TMEM39B: variants seen among roughly 807,000 people sequenced by gnomAD.
The protein encoded by TMEM39B is transmembrane protein 39B.
In TMEM39B, 23 loss-of-function variants were observed where a neutral mutation model predicts 52.2. The observed-to-expected ratio is 0.44, with a 90% CI of 0.32 to 0.62. The LOEUF (loss-of-function observed/expected upper bound fraction) is 0.62. Among genes scored for constraint, TMEM39B ranks in the 20% least tolerant of loss-of-function variants. The pLI is 0.06. For synonymous variants in TMEM39B, 285 were observed against 264.0 expected, an observed-to-expected ratio of 1.08 and a Z score of -0.77; for missense variants, 547 against 642.0, an observed-to-expected ratio of 0.85 and a Z score of 1.60.
chr1:32,074,910 G>A, intron 1 of TMEM39B, 41 bp from the exon 2 acceptor site: 2 of 1,528,396 alleles, frequency 1.3e-6, no homozygotes, highest in Non-Finnish European at 1.8e-6. Flanking sequence ...CTTGATATAT[G>A]CCCCCTGGCT....
rs528833872 is a variant in TMEM39B at position 32,076,915 on chromosome 1, C to G, written c.435+69C>G. ...TTTTCCCCTGGGGATGCCAAGGAAACATGCCCAGCCCTTCAGCCTTAGGGT... is the reference window on the plus strand; with the variant it reads ...TTTTCCCCTGGGGATGCCAAGGAAAGATGCCCAGCCCTTCAGCCTTAGGGT... On this transcript the variant is annotated intron_variant, in intron 4 of 8. Transcript: ENST00000336294. 3.7e-4 allele frequency: 575 copies of G among 1,540,982 alleles called. 15 individuals carry two copies. In the South Asian group the frequency reaches 6.2e-3, roughly 17 times the overall value.
At chr1:32,084,118 T>C (rs572252139) in intron 5 of TMEM39B, among the ~76,000 whole-genome samples, 2 of 152,364 alleles carry the variant, frequency 1.3e-5, no homozygotes, top group South Asian at 2.1e-4. Context: ...AGCTTTCTTA[T>C]ATGGCTTTTT....
chr1:32,083,409 C>CTTTTTT lies in TMEM39B; in HGVS notation c.590+6116_590+6121dup, dbSNP rs1052027069. Among the ~76,000 whole-genome samples the CTTTTTT allele has an allele frequency of 1.4e-3, 77 of 54,618 alleles. 2 individuals carry two copies. The highest frequency in any genetic ancestry group is 2.4e-3 in the African/African-American group (31 of 12,864). The allele number at this position is 54,618 out of a possible 152,430, so 35.8% of individuals were successfully genotyped here. ...GCAGGAACATTTTTTTAAAGGACTT[C>CTTTTTT]TTTTTTTTTTTTTTTTTTTTTTTTT... On this transcript the variant is annotated intron_variant, in intron 5 of 8. Transcript: ENST00000336294.
At chr1:32,096,392 C>T (rs542607617) in intron 7 of TMEM39B, among the ~76,000 whole-genome samples, 108 of 148,724 alleles carry the variant, frequency 7.3e-4, no homozygotes, top group African/African-American at 2.7e-3. Flanking sequence ...CATTTCAGGA[C>T]TAAAAGTTCA....
chr1:32,092,758 T>C (rs1215317297), intron 6 of TMEM39B, among the ~76,000 whole-genome samples: 1 of 152,018 alleles, frequency 6.6e-6, no homozygotes, highest in Non-Finnish European at 1.5e-5. Flanking sequence ...CCCAAAGTGT[T>C]GGGATTACAG....
At chr1:32,095,308 C>G (rs1361057512) in intron 7 of TMEM39B, among the ~76,000 whole-genome samples, 1 of 152,212 alleles carries the variant, frequency 6.6e-6, no homozygotes, top group African/African-American at 2.4e-5. Flanking sequence ...GTCATTACGT[C>G]ACCTACTCTT....
At chr1:32,076,916 A>T in intron 4 of TMEM39B, 70 bp downstream of exon 4, 1 of 1,543,824 alleles carries the variant, frequency 6.5e-7, no homozygotes. Context: ...CCAAGGAAAC[A>T]TGCCCAGCCC....
chr1:32,099,290 G>A (rs1394571794), intron 7 of TMEM39B, among the ~76,000 whole-genome samples: 15 of 151,714 alleles, frequency 9.9e-5, no homozygotes, highest in East Asian at 3.9e-4. Flanking sequence ...TGGACACAAG[G>A]TGGGGAACAT....
chr1:32,094,270 G>A (rs959585140), intron 6 of TMEM39B, among the ~76,000 whole-genome samples: 2 of 151,222 alleles, frequency 1.3e-5, no homozygotes, highest in Non-Finnish European at 2.9e-5. Flanking sequence ...GGGACTACAG[G>A]CACACGCCAC....
In TMEM39B at chr1:32,075,593, C is replaced by A; in HGVS notation, c.132-10C>A. ...GTCAGCTGCTGATGTTGTTCCCTCC[C>A]CACTGTCAGGAGCAGTTCTGGAACA... On this transcript the variant is annotated splice_polypyrimidine_tract_variant and intron_variant, in intron 2 of 8. Coordinates refer to ENST00000336294, the MANE Select transcript of TMEM39B (RefSeq NM_018056.4). 1 of 1,544,570 alleles carries A rather than the reference C, an allele frequency of 6.5e-7. No homozygotes were observed. The highest frequency in any genetic ancestry group is 8.8e-7 in the Non-Finnish European group (1 of 1,141,982).
chr1:32,098,249 C>T (rs1640887814), intron 7 of TMEM39B, among the ~76,000 whole-genome samples: 1 of 151,866 alleles, frequency 6.6e-6, no homozygotes, highest in African/African-American at 2.4e-5. Flanking sequence ...GATCTGCACA[C>T]CCTCGGCCTC....
At chr1:32,073,432 G>A in intron 1 of TMEM39B, 1 of 606,968 alleles carries the variant, frequency 1.6e-6, no homozygotes, top group Non-Finnish European at 2.2e-6. Context: ...ACTGGGGGCG[G>A]TGGAGCGGGG....
intron 5 of TMEM39B, among the ~76,000 whole-genome samples, chr1:32,090,935 T>A (rs970613909): frequency 1.3e-5 from 2 of 152,066 alleles, no homozygotes; most frequent in Non-Finnish European, 2.9e-5. Context: ...CCACTGCGCC[T>A]GGCCCATACC....
intron 5 of TMEM39B, among the ~76,000 whole-genome samples, chr1:32,089,344 G>A (rs1018936627): frequency 6.6e-6 from 1 of 151,770 alleles, no homozygotes; most frequent in African/African-American, 2.4e-5. Flanking sequence ...TCTTGCCCAG[G>A]CTGGTCTTGA....
Position 32,091,660 on chromosome 1 carries a change from C to G in TMEM39B, c.591-15C>G, listed in dbSNP as rs748377789. 6.4e-7 allele frequency: 1 copy of G among 1,570,224 alleles called. No individual in the cohort carries two copies. ...CCATGGGCAGGCCTTCCCTCACCAC[C>G]GTCTTCCCCAGCAGGTTTGGGATGT... On this transcript the variant is annotated splice_polypyrimidine_tract_variant and intron_variant, in intron 5 of 8. Coordinates refer to ENST00000336294, the MANE Select transcript of TMEM39B (RefSeq NM_018056.4).
At chr1:32,073,447 T>A (rs1447831271) in intron 1 of TMEM39B, 1 of 746,264 alleles carries the variant, frequency 1.3e-6, no homozygotes, top group African/African-American at 1.9e-5. Context: ...GCGGGGAGAC[T>A]TCCGACTGAG....
intron 5 of TMEM39B, among the ~76,000 whole-genome samples, chr1:32,081,814 G>T (rs1363548369): frequency 6.6e-6 from 1 of 152,004 alleles, no homozygotes; most frequent in African/African-American, 2.4e-5. Flanking sequence ...AAATTCAGAA[G>T]GTTTAAAAGA....
At position 32,091,802 on chromosome 1, in the gene TMEM39B, C is replaced by G. The variant is rs762928056; in HGVS notation, c.718C>G (p.Leu240Val). Reference protein sequence around the residue: ...SGLAKSRDYLLTLRETWKQHT... With the variant: ...SGLAKSRDYLVTLRETWKQHT... The stretch of plus-strand genomic sequence containing the variant: ...CCTGGCAAAGAGCCGGGACTACCTC[C>G]TGACACTGCGGGAGACGTGGAAGCA... The change falls in exon 6 of 9, where the codon CTG becomes GTG. Residue 240 changes from leucine (L) to valine (V), a missense_variant. Physicochemically the swap from Leu to Val is conservative, Grantham distance 32 (BLOSUM62 1). Coordinates refer to ENST00000336294, the MANE Select transcript of TMEM39B (RefSeq NM_018056.4). 6.8e-6 allele frequency: 11 copies of G among 1,614,250 alleles called. No individual in the cohort carries two copies. Among genetic ancestry groups the G allele is most frequent in the Non-Finnish European group, 9.3e-6 (11 of 1,180,048 alleles).
chr1:32,074,615 G>T (rs1314089975), intron 1 of TMEM39B, among the ~76,000 whole-genome samples: 2 of 152,162 alleles, frequency 1.3e-5, no homozygotes, highest in Non-Finnish European at 2.9e-5. Flanking sequence ...AAATTGGAGA[G>T]AGAGTGATGG....
Sources: allele counts gnomAD v4.1 joint callset (sites outside exome capture counted in the v4.1 genomes callset), GRCh38; gene constraint gnomAD v4.1.1; transcripts MANE v1.5; gene names NCBI Gene and HGNC (gene_info 2026-07-23, HGNC 2026-07-21).